UNC5C: variants seen among roughly 807,000 people sequenced by gnomAD.
UNC5C encodes netrin receptor UNC5C.
A neutral mutation model predicts 99.8 loss-of-function variants in UNC5C; 47 were observed. That is an observed-to-expected ratio of 0.47 (90% confidence interval 0.37 to 0.60). The LOEUF (loss-of-function observed/expected upper bound fraction) is 0.60. Among genes scored for constraint, UNC5C ranks in the 20% least tolerant of loss-of-function variants. The pLI is 0.00. For synonymous variants in UNC5C, 487 were observed against 452.2 expected (o/e 1.08, Z -0.98); for missense variants, 1,062 against 1,165.9 (o/e 0.91, Z 1.30).
At chr4:95,517,194 A>T (rs140330116) in intron 1 of UNC5C, among the ~76,000 whole-genome samples, 22 of 152,340 alleles carry the variant, frequency 1.4e-4, no homozygotes, top group Middle Eastern at 6.8e-3. Flanking sequence ...CTGTTATTTA[A>T]ATGCAAGATA....
At chr4:95,346,924 G>C (rs1361157647) in intron 1 of UNC5C, among the ~76,000 whole-genome samples, 2 of 151,494 alleles carry the variant, frequency 1.3e-5, no homozygotes, top group African/African-American at 4.8e-5. Flanking sequence ...AGAGCAATCA[G>C]ACAAGAGAAA....
intron 1 of UNC5C, among the ~76,000 whole-genome samples, chr4:95,390,667 T>C (rs1745331807): frequency 6.6e-6 from 1 of 152,156 alleles, no homozygotes; most frequent in Non-Finnish European, 1.5e-5. Context: ...AAGGTGACAC[T>C]TACATAATGC....
intron 7 of UNC5C, among the ~76,000 whole-genome samples, chr4:95,236,347 A>G (rs1579255342): frequency 1.3e-5 from 2 of 150,470 alleles, no homozygotes; most frequent in Admixed American, 6.6e-5. Context: ...AAAACCAAAC[A>G]TCGCATGTTC....
chr4:95,304,606 G>T (rs1256717690), intron 2 of UNC5C, among the ~76,000 whole-genome samples: 2 of 151,702 alleles, frequency 1.3e-5, no homozygotes, highest in African/African-American at 2.4e-5. Flanking sequence ...ATGTTTGATG[G>T]TTTTTCCCTG....
chr4:95,183,826 C>G (rs1211214332), intron 13 of UNC5C, among the ~76,000 whole-genome samples: 2 of 152,184 alleles, frequency 1.3e-5, no homozygotes, highest in African/African-American at 4.8e-5. Context: ...GGGCAAATTA[C>G]TTAATCTTTC....
intron 14 of UNC5C, among the ~76,000 whole-genome samples, chr4:95,172,070 A>G (rs1211463187): frequency 1.6e-4 from 24 of 147,876 alleles, no homozygotes; most frequent in African/African-American, 5.7e-4. Context: ...TCCTTCGCCC[A>G]CTTTTTGATG....
intron 4 of UNC5C, among the ~76,000 whole-genome samples, chr4:95,260,417 C>T (rs1215732808): frequency 6.6e-6 from 1 of 152,192 alleles, no homozygotes; most frequent in Non-Finnish European, 1.5e-5. Context: ...TTAGGGATGA[C>T]ATTCATTTAG....
chr4:95,457,590 C>T (rs1157408496), intron 1 of UNC5C, among the ~76,000 whole-genome samples: 3 of 151,956 alleles, frequency 2.0e-5, no homozygotes, highest in Non-Finnish European at 4.4e-5. Flanking sequence ...GCATTTAATG[C>T]TGTTAATATT....
intron 1 of UNC5C, among the ~76,000 whole-genome samples, chr4:95,362,443 G>A (rs552142006): frequency 6.6e-6 from 1 of 152,250 alleles, no homozygotes; most frequent in Admixed American, 6.5e-5. Flanking sequence ...GAGGTTGCAT[G>A]GAGCAACACA....
intron 6 of UNC5C, among the ~76,000 whole-genome samples, chr4:95,244,548 A>T (rs1159462980): frequency 1.3e-5 from 2 of 152,198 alleles, no homozygotes; most frequent in African/African-American, 4.8e-5. Flanking sequence ...TTCACCAGAA[A>T]CTGACACCAA....
chr4:95,369,513 G>A (rs556030517), intron 1 of UNC5C, among the ~76,000 whole-genome samples: 45 of 152,076 alleles, frequency 3.0e-4, no homozygotes, highest in South Asian at 2.1e-3. Context: ...GATTGCTTGC[G>A]CCACTGCACT....
chr4:95,435,656 C>G (rs544014390), intron 1 of UNC5C, among the ~76,000 whole-genome samples: 17 of 152,018 alleles, frequency 1.1e-4, no homozygotes, highest in African/African-American at 4.1e-4. Flanking sequence ...CCATACCCAT[C>G]CACATCTGGT....
In UNC5C at chr4:95,366,816, T is replaced by A. The variant is rs377013890; in HGVS notation, c.125-31185A>T. 1.5e-4 allele frequency among the ~76,000 whole-genome samples: 23 copies of A among 152,322 alleles called. No individual in the cohort carries two copies. In the South Asian group the frequency reaches 4.1e-3, roughly 27 times the overall value. ...CAGAGCTAAACATTGAGGCTGTTAT[T>A]TCAAAAGAAAAATAACTTTTCTTTG... On this transcript the variant is annotated intron_variant, in intron 1 of 15. Transcript: ENST00000453304.
chr4:95,512,225 C>G (rs570300338), intron 1 of UNC5C, among the ~76,000 whole-genome samples: 1 of 152,022 alleles, frequency 6.6e-6, no homozygotes, highest in South Asian at 2.1e-4. Context: ...GAAAATTGTG[C>G]AAAAATAAAG....
At chr4:95,544,574 G>A (rs550284298) in intron 1 of UNC5C, among the ~76,000 whole-genome samples, 9 of 152,292 alleles carry the variant, frequency 5.9e-5, no homozygotes, top group African/African-American at 2.2e-4. Context: ...CTGTCTTCCT[G>A]TAGGGCTTAA....
At chr4:95,217,032 G>A (rs2571037) in intron 9 of UNC5C, among the ~76,000 whole-genome samples, 88,958 of 152,042 alleles carry the variant, frequency 0.59, 27,037 homozygotes, top group Middle Eastern at 0.83. Context: ...GATTCAGTGT[G>A]GACAGCACTC....
At chr4:95,226,800 T>C (rs1303916607) in intron 7 of UNC5C, among the ~76,000 whole-genome samples, 3 of 152,064 alleles carry the variant, frequency 2.0e-5, no homozygotes, top group Non-Finnish European at 4.4e-5. Flanking sequence ...CAAGAGGGTG[T>C]TTGGAAATGG....
intron 1 of UNC5C, among the ~76,000 whole-genome samples, chr4:95,368,484 A>C (rs1363873729): frequency 1.3e-5 from 2 of 152,192 alleles, no homozygotes; most frequent in Middle Eastern, 3.2e-3. Context: ...CAATAAATTG[A>C]AAGGTAGGCT....
At chr4:95,541,068 A>C (rs1722906195) in intron 1 of UNC5C, among the ~76,000 whole-genome samples, 1 of 152,226 alleles carries the variant, frequency 6.6e-6, no homozygotes, top group Non-Finnish European at 1.5e-5. Context: ...ACAAATATGC[A>C]AATTCATAGA....
Sources: gnomAD v4.1 joint callset for allele counts (sites outside exome capture counted in the v4.1 genomes callset) on GRCh38, gnomAD v4.1.1 for gene constraint, MANE v1.5 for transcripts, NCBI Gene and HGNC (gene_info 2026-07-23, HGNC 2026-07-21) for gene names.